Variants in C1QL2 observed in about 807,000 individuals in gnomAD.
C1QL2 encodes the protein complement C1q-like protein 2.
A neutral mutation model predicts 16.6 loss-of-function variants in C1QL2; 13 were observed. That is an observed-to-expected ratio of 0.78 (90% CI 0.51 to 1.25). C1QL2 has a LOEUF of 1.25. Among genes scored for constraint, C1QL2 ranks in the 50% most tolerant of loss-of-function variants. The pLI is 0.00. For missense variants in C1QL2, 396 were observed against 409.6 expected (o/e 0.97, Z 0.29); for synonymous variants, 210 against 183.2 (o/e 1.15, Z -1.18).
chr2:119,157,465 C>G (rs1276711852), intron 1 of C1QL2, 121 bp downstream of exon 1: 1 of 1,219,292 alleles, frequency 8.2e-7, no homozygotes, highest in Non-Finnish European at 1.2e-6. Flanking sequence ...GGCACCGAGG[C>G]GCGTTCATTC....
In C1QL2 at chr2:119,158,367, G is replaced by T; in HGVS notation, c.-98C>A. The T allele has an allele frequency of 9.2e-7, 1 of 1,088,684 alleles. No homozygotes were observed. The highest frequency in any genetic ancestry group is 1.2e-6 in the Non-Finnish European group (1 of 852,328). The allele number at this position is 1,088,684 out of a possible 1,614,324, so 67.4% of individuals were successfully genotyped here. On this transcript the variant is annotated 5_prime_UTR_variant, in exon 1 of 2. Coordinates refer to ENST00000272520, the MANE Select transcript of C1QL2 (RefSeq NM_182528.4). ...CAGCTCCTCCTTGCCGCCCGGGGAG[G>T]TAATGGTGGGGCGGCGCGGGCGGCC...
In C1QL2 at chr2:119,158,372, G is replaced by A. The variant is rs1379259585; in HGVS notation, c.-103C>T. ...CCTCCTTGCCGCCCGGGGAGGTAATGGTGGGGCGGCGCGGGCGGCCCCGCT... is the reference window on the plus strand; with the variant it reads ...CCTCCTTGCCGCCCGGGGAGGTAATAGTGGGGCGGCGCGGGCGGCCCCGCT... On this transcript the variant is annotated 5_prime_UTR_variant, in exon 1 of 2. Coordinates refer to ENST00000272520, the MANE Select transcript of C1QL2 (RefSeq NM_182528.4). The A allele has an allele frequency of 1.4e-5, 15 of 1,052,438 alleles. No homozygotes were observed. The highest frequency in any genetic ancestry group is 1.8e-5 in the Non-Finnish European group (15 of 822,020). The allele number at this position is 1,052,438 out of a possible 1,614,324, so 65.2% of individuals were successfully genotyped here. A position where few individuals can be genotyped will look rare whatever the true frequency, so the allele number is the denominator to read the frequency against.
rs1292663825 is a variant in C1QL2 at position 119,157,996 on chromosome 2, G to T, written c.274C>A (p.Pro92Thr). Residue 92 changes from proline (P) to threonine (T), a missense_variant, in exon 1 of 2, where the codon CCC becomes ACC. Physicochemically the swap from Pro to Thr is conservative, Grantham distance 38 (BLOSUM62 -1). Transcript: ENST00000272520. ...CCAGGCGGGCCCGGCTCTCCAGGGG[G>T]CCCCCGCGGCCCTGGCTTGCCCGGT... is the stretch of plus-strand genomic sequence containing the variant. ...GRPGKPGPRGPPGEPGPPGPR... is the reference protein window; with the variant it reads ...GRPGKPGPRGTPGEPGPPGPR... The T allele has an allele frequency of 5.9e-6, 9 of 1,520,502 alleles. No individual in the cohort carries two copies. Among genetic ancestry groups the T allele is most frequent in the African/African-American group, 1.5e-5 (1 of 68,852 alleles). 94.2% of individuals were successfully genotyped at this position (1,520,502 alleles called of 1,614,324 possible). A position where few individuals can be genotyped will look rare whatever the true frequency, so the allele number is the denominator to read the frequency against.
intron 1 of C1QL2, 59 bp from the exon 2 acceptor site, chr2:119,157,040 G>A: frequency 1.3e-6 from 2 of 1,579,154 alleles, no homozygotes; most frequent in South Asian, 2.3e-5. Flanking sequence ...CCTTTGCTCA[G>A]CCCACACCAG....
rs527688201 is a variant in C1QL2, at chr2:119,156,911, T to C, written c.755A>G (p.His252Arg). 3.1e-6 allele frequency: 5 copies of C among 1,614,062 alleles called. No individual in the cohort carries two copies. The highest frequency in any genetic ancestry group is 4.2e-6 in the Non-Finnish European group (5 of 1,179,940). Reference sequence around the variant, plus strand: ...ATACACTTCGTCCCCTGAATCCAAGTGCAGCACCACGCTGTTACTGGCGTA... The same window carrying C: ...ATACACTTCGTCCCCTGAATCCAAGCGCAGCACCACGCTGTTACTGGCGTA... ...YDYASNSVVL[H>R]LDSGDEVYVK... Residue 252 changes from histidine to arginine, a missense_variant, in exon 2 of 2, where the codon CAC becomes CGC. Transcript: ENST00000272520.
At position 119,156,665 on chromosome 2, in the gene C1QL2, G is replaced by T. The variant is rs183770557; in HGVS notation, c.*137C>A. ...ACGCACTGAGGCCAGGAGCGGGGCA[G>T]GGAGGACGCAGGGATTTGTCTTTTC... On this transcript the variant is annotated 3_prime_UTR_variant, in exon 2 of 2. Transcript: ENST00000272520. 366 of 1,035,708 alleles carry T rather than the reference G, an allele frequency of 3.5e-4. 2 individuals are homozygous for T. The African/African-American group carries it at 5.5e-3, about 16-fold the overall frequency. The allele number at this position is 1,035,708 out of a possible 1,614,324, so 64.2% of individuals were successfully genotyped here. A position where few individuals can be genotyped will look rare whatever the true frequency, so the allele number is the denominator to read the frequency against.
Position 119,156,551 on chromosome 2 carries a change from C to T in C1QL2, c.*251G>A. On this transcript the variant is annotated 3_prime_UTR_variant, in exon 2 of 2. Coordinates refer to ENST00000272520, the MANE Select transcript of C1QL2 (RefSeq NM_182528.4). ...CTAATCAGGTTTGCAAAGTCTGTGC[C>T]GCCGCCTCAAGGGCTCGGGCGTCCC... 1 of 460,642 alleles carries T rather than the reference C, an allele frequency of 2.2e-6. No individual in the cohort carries two copies. The highest frequency in any genetic ancestry group is 3.1e-5 in the South Asian group (1 of 31,904). 28.5% of individuals were successfully genotyped at this position (460,642 alleles called of 1,614,324 possible).
chr2:119,157,099 C>A, intron 1 of C1QL2, 118 bp from the exon 2 acceptor site: 1 of 1,144,224 alleles, frequency 8.7e-7, no homozygotes, highest in East Asian at 2.4e-5. Context: ...TCCACACTCC[C>A]ACCCCAGCTC....
Position 119,158,511 on chromosome 2 carries a change from C to T in C1QL2, c.-242G>A. On this transcript the variant is annotated 5_prime_UTR_variant, in exon 1 of 2. Transcript: ENST00000272520. The stretch of plus-strand genomic sequence containing the variant: ...AGGCGCCGGGACCTCTGAGCCTGGG[C>T]CCACCGCGCTGGGGCTGGTCGGGAG... 3.6e-6 allele frequency: 1 copy of T among 275,660 alleles called. No individual in the cohort carries two copies. Among genetic ancestry groups the T allele is most frequent in the Admixed American group, 5.4e-5 (1 of 18,650 alleles). 17.1% of individuals were successfully genotyped at this position (275,660 alleles called of 1,614,324 possible).
In C1QL2 at chr2:119,158,229, T is replaced by TGCA. The variant is rs1558718446; in HGVS notation, c.38_40dup (p.Leu13dup). 1.9e-6 allele frequency: 3 copies of TGCA among 1,573,172 alleles called. No individual in the cohort carries two copies. The highest frequency in any genetic ancestry group is 2.6e-6 in the Non-Finnish European group (3 of 1,164,196). ...GTGCGCGGCGCCTCGGGGCGCCGCC[T>TGCA]GCAGCAGCAGCGGCACGGCGATGAG... On this transcript the variant is annotated inframe_insertion, in exon 1 of 2. Coordinates refer to ENST00000272520, the MANE Select transcript of C1QL2 (RefSeq NM_182528.4).
At position 119,156,900 on chromosome 2, in the gene C1QL2, C is replaced by G. The variant is rs1328156031; in HGVS notation, c.766G>C (p.Gly256Arg). The G allele has an allele frequency of 6.2e-7, 1 of 1,614,112 alleles. No individual in the cohort carries two copies. Among genetic ancestry groups the G allele is most frequent in the Admixed American group, 1.7e-5 (1 of 60,034 alleles). The stretch of plus-strand genomic sequence containing the variant: ...TCCAGCTTCACATACACTTCGTCCC[C>G]TGAATCCAAGTGCAGCACCACGCTG... Reference protein sequence around the residue: ...SNSVVLHLDSGDEVYVKLDGG... With the variant: ...SNSVVLHLDSRDEVYVKLDGG... Residue 256 changes from glycine to arginine, a missense_variant, in exon 2 of 2, where the codon GGG becomes CGG. Gly to Arg is a moderately radical substitution (Grantham distance 125). Coordinates refer to ENST00000272520, the MANE Select transcript of C1QL2 (RefSeq NM_182528.4).
Position 119,157,870 on chromosome 2 carries a change from C to T in C1QL2, c.400G>A (p.Gly134Ser). Residue 134 changes from glycine (G) to serine (S), a missense_variant, in exon 1 of 2, where the codon GGC (glycine) becomes AGC (serine). Gly to Ser is a moderately conservative substitution (Grantham distance 56). Transcript: ENST00000272520. The part of the protein sequence containing the change: ...GTASGVGVVG[G>S]GAGVGGDSEG... ...GAATCGCCACCTACCCCGGCCCCGC[C>T]GCCCACCACCCCGACGCCGCTGGCC... 6.3e-7 allele frequency: 1 copy of T among 1,582,712 alleles called. No homozygotes were observed. The highest frequency in any genetic ancestry group is 1.3e-5 in the African/African-American group (1 of 74,190).
rs1384552272 is a variant in C1QL2 at position 119,157,987 on chromosome 2, C to T, written c.283G>A (p.Glu95Lys). The change falls in exon 1 of 2, where the codon GAG becomes AAG. Residue 95 changes from glutamate (E) to lysine (K), a missense_variant. This residue lies in a region of C1QL2 where 353 missense variants were observed against 334.8 expected (regional missense o/e 1.05). Transcript: ENST00000272520. ...GKPGPRGPPG[E>K]PGPPGPRGPP... is the part of the protein sequence containing the mutation. The stretch of plus-strand genomic sequence containing the variant: ...CCCCTGGGTCCAGGCGGGCCCGGCT[C>T]TCCAGGGGGCCCCCGCGGCCCTGGC... 10 of 1,520,098 alleles carry T rather than the reference C, an allele frequency of 6.6e-6. No individual in the cohort carries two copies. The East Asian group carries it at 1.0e-4, about 15-fold the overall frequency. 94.2% of individuals were successfully genotyped at this position (1,520,098 alleles called of 1,614,324 possible). A position where few individuals can be genotyped will look rare whatever the true frequency, so the allele number is the denominator to read the frequency against.
In C1QL2 at chr2:119,158,354, G is replaced by T. The variant is rs1678002639; in HGVS notation, c.-85C>A. The T allele has an allele frequency of 1.7e-6, 2 of 1,181,452 alleles. No individual in the cohort carries two copies. Among genetic ancestry groups the T allele is most frequent in the Non-Finnish European group, 2.2e-6 (2 of 929,342 alleles). 73.2% of individuals were successfully genotyped at this position (1,181,452 alleles called of 1,614,324 possible). ...AGGCGACCGCCACCAGCTCCTCCTT[G>T]CCGCCCGGGGAGGTAATGGTGGGGC... On this transcript the variant is annotated 5_prime_UTR_variant, in exon 1 of 2. Transcript: ENST00000272520.
In C1QL2 at chr2:119,158,027, C is replaced by A; in HGVS notation, c.243G>T (p.Pro81=). The stretch of plus-strand genomic sequence containing the variant: ...GCGGCCCTGGCTTGCCCGGTCGCCC[C>A]GGGTCGCCCTTGGGTCCCTGGATGA... ...PPFIQGPKGD[P]GRPGKPGPRG... is the part of the protein sequence containing the mutation. Residue 81 remains proline, a synonymous_variant, in exon 1 of 2, where the codon CCG becomes CCT. Coordinates refer to ENST00000272520, the MANE Select transcript of C1QL2 (RefSeq NM_182528.4). 1 of 1,528,044 alleles carries A rather than the reference C, an allele frequency of 6.5e-7. No homozygotes were observed. Among genetic ancestry groups the A allele is most frequent in the Non-Finnish European group, 8.8e-7 (1 of 1,138,112 alleles). 94.7% of individuals were successfully genotyped at this position (1,528,044 alleles called of 1,614,324 possible). A position where few individuals can be genotyped will look rare whatever the true frequency, so the allele number is the denominator to read the frequency against.
chr2:119,157,120 C>G, intron 1 of C1QL2, 139 bp from the exon 2 acceptor site: 6 of 1,014,102 alleles, frequency 5.9e-6, no homozygotes, highest in Non-Finnish European at 8.6e-6. Flanking sequence ...CATGTTCTCT[C>G]TCCAACTTAG....
Position 119,156,986 on chromosome 2 carries a change from G to T in C1QL2, c.685-5C>A. ...TGCAATGGCGCTGGCCCGGACCTGG[G>T]GACAAGCGGTGGGAGCAGGTGAGCC... On this transcript the variant is annotated splice_polypyrimidine_tract_variant and splice_region_variant and intron_variant, in intron 1 of 1. Coordinates refer to ENST00000272520, the MANE Select transcript of C1QL2 (RefSeq NM_182528.4). 6.2e-7 allele frequency: 1 copy of T among 1,613,476 alleles called. No homozygotes were observed. The highest frequency in any genetic ancestry group is 1.1e-5 in the South Asian group (1 of 91,040).
Position 119,157,942 on chromosome 2 carries a change from C to T in C1QL2, c.328G>A (p.Asp110Asn), listed in dbSNP as rs1272284263. The change falls in exon 1 of 2, where the codon GAC becomes AAC. Residue 110 changes from aspartate to asparagine, a missense_variant. Physicochemically the swap from Asp to Asn is conservative, Grantham distance 23 (BLOSUM62 1). Transcript: ENST00000272520. ...GPRGPPGEKG[D>N]SGRPGLPGLQ... ...CCTGGCAGCCCGGGCCGCCCCGAGT[C>T]GCCCTTCTCTCCCGGAGGGCCCCTG... The T allele has an allele frequency of 6.5e-7, 1 of 1,539,208 alleles. No individual in the cohort carries two copies. Among genetic ancestry groups the T allele is most frequent in the Non-Finnish European group, 8.8e-7 (1 of 1,140,918 alleles).
Position 119,157,965 on chromosome 2 carries a change from C to T in C1QL2, c.305G>A (p.Arg102Lys), listed in dbSNP as rs922210107. 6.5e-7 allele frequency: 1 copy of T among 1,531,504 alleles called. No individual in the cohort carries two copies. Among genetic ancestry groups the T allele is most frequent in the Non-Finnish European group, 8.8e-7 (1 of 1,138,432 alleles). The allele number at this position is 1,531,504 out of a possible 1,614,324, so 94.9% of individuals were successfully genotyped here. A position where few individuals can be genotyped will look rare whatever the true frequency, so the allele number is the denominator to read the frequency against. Reference sequence around the variant, plus strand: ...GTCGCCCTTCTCTCCCGGAGGGCCCCTGGGTCCAGGCGGGCCCGGCTCTCC... The same window carrying T: ...GTCGCCCTTCTCTCCCGGAGGGCCCTTGGGTCCAGGCGGGCCCGGCTCTCC... ...PPGEPGPPGPRGPPGEKGDSG... is the reference protein window; with the variant it reads ...PPGEPGPPGPKGPPGEKGDSG... Residue 102 changes from arginine to lysine, a missense_variant, in exon 1 of 2, where the codon AGG (arginine) becomes AAG (lysine). Coordinates refer to ENST00000272520, the MANE Select transcript of C1QL2 (RefSeq NM_182528.4).
Sources: gnomAD v4.1 joint callset for allele counts on GRCh38, gnomAD v4.1.1 for gene constraint, gnomAD v4.1.1 regional missense constraint, MANE v1.5 for transcripts, NCBI Gene and HGNC (gene_info 2026-07-23, HGNC 2026-07-21) for gene names.